Variants in DLEU7 observed in about 807,000 individuals in gnomAD.
DLEU7 encodes deleted in lymphocytic leukemia 7.
A neutral mutation model predicts 16.0 loss-of-function variants in DLEU7; 17 were observed. The ratio of observed to expected loss-of-function variants is 1.06; its 90% CI spans 0.73 to 1.59. DLEU7 has a LOEUF of 1.59. DLEU7 is among the 40% of genes most tolerant of loss of function. DLEU7 has a pLI of 0.00. For missense variants in DLEU7, 308 were observed against 314.9 expected (o/e 0.98, Z 0.17); for synonymous variants, 113 against 139.8 (o/e 0.81, Z 1.35).
chr13:50,749,819 T>C (rs147262547), intron 1 of DLEU7, among the ~76,000 whole-genome samples: 37 of 152,352 alleles, frequency 2.4e-4, no homozygotes, highest in African/African-American at 8.7e-4. Context: ...TTGAGTTCGT[T>C]GTAGATTCTG....
intron 1 of DLEU7, among the ~76,000 whole-genome samples, chr13:50,775,116 C>T (rs1157739222): frequency 6.6e-6 from 1 of 151,124 alleles, no homozygotes; most frequent in Admixed American, 6.6e-5. Context: ...TTCTGTTATT[C>T]TCTGGGGTAT....
At chr13:50,796,357 A>C (rs1870840) in intron 1 of DLEU7, among the ~76,000 whole-genome samples, 63,317 of 151,676 alleles carry the variant, frequency 0.42, 13,421 homozygotes, top group African/African-American at 0.5. Flanking sequence ...AACAGTCAAT[A>C]TGATTACCAA....
chr13:50,757,314 T>C (rs2137740983), intron 1 of DLEU7, among the ~76,000 whole-genome samples: 1 of 152,324 alleles, frequency 6.6e-6, no homozygotes, highest in Non-Finnish European at 1.5e-5. Context: ...GACGAACTAG[T>C]TGGGCTTCTA....
intron 1 of DLEU7, among the ~76,000 whole-genome samples, chr13:50,733,026 G>A (rs146723554): frequency 3.9e-5 from 6 of 152,248 alleles, no homozygotes; most frequent in South Asian, 2.1e-4. Context: ...AAACGCACAC[G>A]CATGTATGCG....
intron 1 of DLEU7, among the ~76,000 whole-genome samples, chr13:50,768,264 G>A (rs927891163): frequency 1.3e-5 from 2 of 151,228 alleles, no homozygotes; most frequent in African/African-American, 2.4e-5. Flanking sequence ...ATTTCAAGTT[G>A]GTATTTTTTT....
At chr13:50,825,003 A>G (rs1275639160) in intron 1 of DLEU7, among the ~76,000 whole-genome samples, 1 of 152,204 alleles carries the variant, frequency 6.6e-6, no homozygotes, top group Non-Finnish European at 1.5e-5. Flanking sequence ...GTTTTGCAGA[A>G]GACAATTTTT....
At chr13:50,834,237 C>T (rs1459661095) in intron 1 of DLEU7, among the ~76,000 whole-genome samples, 1 of 152,072 alleles carries the variant, frequency 6.6e-6, no homozygotes, top group Non-Finnish European at 1.5e-5. Context: ...AAGAAACTAT[C>T]ATCAGAGTGA....
intron 1 of DLEU7, among the ~76,000 whole-genome samples, chr13:50,748,527 C>G (rs1018221053): frequency 2.0e-5 from 3 of 152,076 alleles, no homozygotes; most frequent in Non-Finnish European, 4.4e-5. Flanking sequence ...ATAAATATGG[C>G]TTTTGGAACA....
chr13:50,769,197 A>G (rs2137754025), intron 1 of DLEU7, among the ~76,000 whole-genome samples: 1 of 152,350 alleles, frequency 6.6e-6, no homozygotes, highest in East Asian at 1.9e-4. Context: ...GCCCTTTGAC[A>G]GATGGGTAGA....
At chr13:50,800,196 A>G (rs1876208709) in intron 1 of DLEU7, among the ~76,000 whole-genome samples, 1 of 152,206 alleles carries the variant, frequency 6.6e-6, no homozygotes, top group South Asian at 2.1e-4. Flanking sequence ...AAGAGAATAA[A>G]AGCTCATGGT....
intron 1 of DLEU7, among the ~76,000 whole-genome samples, chr13:50,838,368 C>T (rs1424985291): frequency 6.6e-6 from 1 of 152,218 alleles, no homozygotes; most frequent in East Asian, 1.9e-4. Context: ...TGCTTTAGAA[C>T]AGAACTCTTG....
intron 1 of DLEU7, among the ~76,000 whole-genome samples, chr13:50,722,506 A>T (rs1873651140): frequency 6.6e-6 from 1 of 152,234 alleles, no homozygotes; most frequent in Non-Finnish European, 1.5e-5. Flanking sequence ...TACATTTTCT[A>T]TGTATTATTT....
chr13:50,796,908 G>C lies in DLEU7; in HGVS notation c.459+46280C>G, dbSNP rs145562889. Among the ~76,000 whole-genome samples the C allele has an allele frequency of 4.7e-3, 719 of 152,254 alleles. 2 individuals carry two copies. The highest frequency in any genetic ancestry group is 0.014 in the African/African-American group (576 of 41,560). On this transcript the variant is annotated intron_variant, in intron 1 of 1. Transcript: ENST00000400393. ...CTGCACTGAACTGTGTTGTGAGCAA[G>C]AAGTAGAATGTTTTGTGTTAAGCCA...
intron 1 of DLEU7, among the ~76,000 whole-genome samples, chr13:50,778,440 G>A (rs1355375539): frequency 6.6e-6 from 1 of 152,160 alleles, no homozygotes; most frequent in African/African-American, 2.4e-5. Flanking sequence ...TCCTCCATCT[G>A]CTGCTTCCTC....
chr13:50,830,070 C>G (rs1263837558), intron 1 of DLEU7, among the ~76,000 whole-genome samples: 1 of 151,968 alleles, frequency 6.6e-6, no homozygotes, highest in African/African-American at 2.4e-5. Context: ...GATGTAATAT[C>G]CTACACGATG....
intron 1 of DLEU7, among the ~76,000 whole-genome samples, chr13:50,810,174 A>G (rs1876522914): frequency 7.2e-6 from 1 of 138,968 alleles, no homozygotes; most frequent in Non-Finnish European, 1.6e-5. Flanking sequence ...CTTTCCGGAA[A>G]AGAAATTCTG....
intron 1 of DLEU7, among the ~76,000 whole-genome samples, chr13:50,817,032 G>A (rs1876755893): frequency 1.3e-5 from 2 of 152,058 alleles, no homozygotes; most frequent in Admixed American, 6.6e-5. Context: ...AGCCAACATT[G>A]TCTTCTCCAA....
At chr13:50,841,297 A>G (rs200188621) in intron 1 of DLEU7, among the ~76,000 whole-genome samples, 1 of 152,170 alleles carries the variant, frequency 6.6e-6, no homozygotes, top group East Asian at 1.9e-4. Context: ...ACTTAACTGT[A>G]GTTCCTCTAG....
At chr13:50,754,548 T>C (rs1874693412) in intron 1 of DLEU7, among the ~76,000 whole-genome samples, 1 of 152,234 alleles carries the variant, frequency 6.6e-6, no homozygotes, top group Non-Finnish European at 1.5e-5. Flanking sequence ...CCCTTTACTT[T>C]AAGTTTATGT....
Sources: allele counts gnomAD v4.1 joint callset (sites outside exome capture counted in the v4.1 genomes callset), GRCh38; gene constraint gnomAD v4.1.1; transcripts MANE v1.5; gene names NCBI Gene and HGNC (gene_info 2026-07-23, HGNC 2026-07-21).